Variants in THSD4 observed in about 807,000 individuals in gnomAD.
THSD4 encodes the protein thrombospondin type 1 domain containing 4.
In THSD4, 69 loss-of-function variants were observed where a neutral mutation model predicts 119.0. The ratio of observed to expected loss-of-function variants is 0.58; its 90% confidence interval spans 0.48 to 0.71. THSD4 has a LOEUF of 0.71. Ranked by LOEUF, THSD4 falls within the 30% of genes least tolerant of loss-of-function variation. The probability of loss-of-function intolerance (pLI) is 0.00; values close to 1 mark genes in which losing one functional copy is unlikely to be tolerated. For synonymous variants in THSD4, 524 were observed against 540.4 expected, an observed-to-expected ratio of 0.97 and a Z score of 0.42; for missense variants, 1,393 against 1,391.1, an observed-to-expected ratio of 1.00 and a Z score of -0.02.
chr15:71,779,747 TC>T lies in THSD4; in HGVS notation c.*2375del, dbSNP rs1330916767. 1 of 151,980 alleles carries T rather than the reference TC, an allele frequency of 6.6e-6. No individual in the cohort carries two copies. The highest frequency in any genetic ancestry group is 1.5e-5 in the Non-Finnish European group (1 of 67,998). The allele number at this position is 151,980 out of a possible 1,614,324, so 9.4% of individuals were successfully genotyped here. A position where few individuals can be genotyped will look rare whatever the true frequency, so the allele number is the denominator to read the frequency against. ...CCATTCTTTAAAAGGAGAATGACCC[TC>T]CATGGGAATGGCCAGCCTGCCAACT... On this transcript the variant is annotated 3_prime_UTR_variant, in exon 18 of 18. Coordinates refer to ENST00000261862, the MANE Select transcript of THSD4 (RefSeq NM_024817.3).
At chr15:71,590,678 A>C (rs190914563) in intron 7 of THSD4, among the ~76,000 whole-genome samples, 1 of 152,086 alleles carries the variant, frequency 6.6e-6, no homozygotes, top group African/African-American at 2.4e-5. Flanking sequence ...TGTAACAAAC[A>C]TGCACATCCT....
intron 7 of THSD4, among the ~76,000 whole-genome samples, chr15:71,423,017 C>T (rs146124117): frequency 1.6e-3 from 238 of 152,280 alleles, no homozygotes; most frequent in African/African-American, 5.2e-3. Flanking sequence ...GATGTTCACT[C>T]GAGGACCAAC....
At chr15:71,398,183 A>G (rs1416424603) in intron 6 of THSD4, among the ~76,000 whole-genome samples, 1 of 152,148 alleles carries the variant, frequency 6.6e-6, no homozygotes, top group Non-Finnish European at 1.5e-5. Flanking sequence ...GTCAGGTAGA[A>G]TTTATTTAGG....
At position 71,369,491 on chromosome 15, in the gene THSD4, AG is replaced by A. The variant is rs534541585; in HGVS notation, c.1016-42193del. Among the ~76,000 whole-genome samples, 9 of 152,290 alleles carry A rather than the reference AG, an allele frequency of 5.9e-5. No homozygotes were observed. The South Asian group carries it at 1.9e-3, about 32-fold the overall frequency. Reference sequence around the variant, plus strand: ...AATTTATTGAGAGTTTTTAGCATGAAGGGCTGTTGAATTTTGTCAAAGGCCT... The same window carrying A: ...AATTTATTGAGAGTTTTTAGCATGAAGGCTGTTGAATTTTGTCAAAGGCCT... On this transcript the variant is annotated intron_variant, in intron 6 of 17. Transcript: ENST00000261862.
intron 6 of THSD4, among the ~76,000 whole-genome samples, chr15:71,387,901 C>G (rs1367470183): frequency 6.6e-6 from 1 of 152,158 alleles, no homozygotes; most frequent in Non-Finnish European, 1.5e-5. Context: ...GCCAGGGGAC[C>G]TCTTGCTGCC....
chr15:71,757,749 A>C, intron 14 of THSD4, 153 bp from the exon 15 acceptor site: 1 of 894,002 alleles, frequency 1.1e-6, no homozygotes, highest in Non-Finnish European at 1.7e-6. Context: ...ATATCTCATA[A>C]TGGAGTAGGC....
intron 7 of THSD4, among the ~76,000 whole-genome samples, chr15:71,565,616 A>G (rs2049221366): frequency 6.6e-6 from 1 of 151,168 alleles, no homozygotes; most frequent in Non-Finnish European, 1.5e-5. Context: ...GGCTGGAAGG[A>G]TGTGTTAGAA....
At chr15:71,441,915 A>G (rs778522322) in intron 7 of THSD4, among the ~76,000 whole-genome samples, 3 of 152,100 alleles carry the variant, frequency 2.0e-5, no homozygotes, top group Non-Finnish European at 2.9e-5. Context: ...CTTAGTAAGC[A>G]TGCAGTAGCT....
intron 6 of THSD4, among the ~76,000 whole-genome samples, chr15:71,379,450 C>CG (rs1566962165): frequency 4.4e-4 from 34 of 77,590 alleles, no homozygotes; most frequent in Admixed American, 8.7e-4. Context: ...CAAATGGCTT[C>CG]TTTTTTTTTT....
intron 7 of THSD4, among the ~76,000 whole-genome samples, chr15:71,455,229 C>A (rs1345717359): frequency 6.6e-6 from 1 of 152,178 alleles, no homozygotes; most frequent in Non-Finnish European, 1.5e-5. Context: ...AAGTCTTGAG[C>A]CCCTTGAGGC....
At chr15:71,210,159 C>T (rs1056177235) in intron 3 of THSD4, among the ~76,000 whole-genome samples, 2 of 152,154 alleles carry the variant, frequency 1.3e-5, no homozygotes, top group African/African-American at 2.4e-5. Flanking sequence ...TCACTCTAAT[C>T]GTTGCTGGAA....
intron 6 of THSD4, among the ~76,000 whole-genome samples, chr15:71,391,493 T>G (rs2046379532): frequency 6.6e-6 from 1 of 152,158 alleles, no homozygotes; most frequent in African/African-American, 2.4e-5. Context: ...TGGCTAAATA[T>G]ATCCAAGAGA....
chr15:71,434,771 A>T (rs1325360815), intron 7 of THSD4, among the ~76,000 whole-genome samples: 1 of 152,164 alleles, frequency 6.6e-6, no homozygotes, highest in African/African-American at 2.4e-5. Flanking sequence ...AACCATTTCT[A>T]ACCACAGACC....
chr15:71,287,574 G>C (rs748759524), intron 6 of THSD4, among the ~76,000 whole-genome samples: 1 of 152,190 alleles, frequency 6.6e-6, no homozygotes, highest in Non-Finnish European at 1.5e-5. Flanking sequence ...CGAGGGATAT[G>C]TTCCTGGGAA....
At chr15:71,564,757 T>C (rs1306989083) in intron 7 of THSD4, among the ~76,000 whole-genome samples, 1 of 56,546 alleles carries the variant, frequency 1.8e-5, no homozygotes, top group East Asian at 2.5e-4. Context: ...TAGTATAACA[T>C]ATAATACAAT....
At chr15:71,260,974 T>A (rs919182330) in intron 6 of THSD4, among the ~76,000 whole-genome samples, 1 of 152,112 alleles carries the variant, frequency 6.6e-6, no homozygotes, top group Non-Finnish European at 1.5e-5. Context: ...TGGTGGCACA[T>A]GCCTGTAATC....
chr15:71,262,095 G>T (rs2044407111), intron 6 of THSD4, among the ~76,000 whole-genome samples: 1 of 152,108 alleles, frequency 6.6e-6, no homozygotes, highest in South Asian at 2.1e-4. Flanking sequence ...ATTCACATGT[G>T]CCTACTTAGG....
intron 6 of THSD4, among the ~76,000 whole-genome samples, chr15:71,293,947 G>A (rs534205485): frequency 2.2e-4 from 34 of 152,012 alleles, no homozygotes; most frequent in Non-Finnish European, 4.4e-4. Context: ...TGAGACCACC[G>A]TGAATCCTGG....
intron 8 of THSD4, among the ~76,000 whole-genome samples, chr15:71,700,939 G>GA (rs897902122): frequency 4.6e-5 from 7 of 152,048 alleles, no homozygotes; most frequent in South Asian, 2.1e-4. Context: ...AAATATCCCA[G>GA]AAAAATATTT....
Sources: gnomAD v4.1 joint callset for allele counts (sites outside exome capture counted in the v4.1 genomes callset) on GRCh38, gnomAD v4.1.1 for gene constraint, MANE v1.5 for transcripts, NCBI Gene and HGNC (gene_info 2026-07-23, HGNC 2026-07-21) for gene names.